The following YIPF7 variants were observed in gnomAD, a reference collection of about 807,000 sequenced individuals.
YIPF7 encodes Yip1 domain family member 7.
In YIPF7, 35 loss-of-function variants were observed where a neutral mutation model predicts 27.2. The ratio of observed to expected loss-of-function variants is 1.29; its 90% CI spans 0.98 to 1.70. The LOEUF (loss-of-function observed/expected upper bound fraction) is 1.70, where lower values mean the gene tolerates loss of function less well. Ranked by LOEUF, YIPF7 falls within the 40% of genes most tolerant of loss-of-function variation. YIPF7 has a pLI of 0.00. For missense variants in YIPF7, 358 were observed against 303.7 expected, an observed-to-expected ratio of 1.18 and a Z score of -1.33; for synonymous variants, 137 against 110.4, an observed-to-expected ratio of 1.24 and a Z score of -1.51.
At chr4:44,628,865 T>G (rs1712767213) in intron 4 of YIPF7, among the ~76,000 whole-genome samples, 1 of 152,142 alleles carries the variant, frequency 6.6e-6, no homozygotes, top group Non-Finnish European at 1.5e-5. Flanking sequence ...AACTAACATT[T>G]TAGAGGAAAT....
chr4:44,631,032 A>G (rs1165320112), intron 3 of YIPF7, among the ~76,000 whole-genome samples: 1 of 152,204 alleles, frequency 6.6e-6, no homozygotes, highest in Non-Finnish European at 1.5e-5. Context: ...CAAGATTTAC[A>G]TACATCGGTC....
chr4:44,631,605 T>C lies in YIPF7; in HGVS notation c.281-2057A>G, dbSNP rs561749780. On this transcript the variant is annotated intron_variant, in intron 3 of 5. Transcript: ENST00000415895. ...CTGTTATTTTAAGCTTGAAAAAAAA[T>C]TGAATGTAAATTAATAGCAAATAAT... Among the ~76,000 whole-genome samples, 7 of 152,130 alleles carry C rather than the reference T, an allele frequency of 4.6e-5. No individual in the cohort carries two copies. The East Asian group carries it at 1.3e-3, about 29-fold the overall frequency.
At chr4:44,624,537 T>G in intron 5 of YIPF7, 64 bp downstream of exon 5, 1 of 1,443,142 alleles carries the variant, frequency 6.9e-7, no homozygotes, top group Non-Finnish European at 9.2e-7. Flanking sequence ...AACTTTTTCA[T>G]GGCTGTGGCA....
rs550841884 is a variant in YIPF7, at chr4:44,629,267, G to T, written c.426+136C>A. On this transcript the variant is annotated intron_variant, in intron 4 of 5. Coordinates refer to ENST00000415895, the MANE Select transcript of YIPF7 (RefSeq NM_182592.3). ...AATGGTAGCATATTTTTGTCACTATGGTTAAATTATTCTCTCTCACTTAAA... is the reference window on the plus strand; with the variant it reads ...AATGGTAGCATATTTTTGTCACTATTGTTAAATTATTCTCTCTCACTTAAA... 4.4e-6 allele frequency: 5 copies of T among 1,129,202 alleles called. No individual in the cohort carries two copies. The East Asian group carries it at 1.6e-4, about 35-fold the overall frequency. The allele number at this position is 1,129,202 out of a possible 1,614,324, so 69.9% of individuals were successfully genotyped here.
At chr4:44,636,260 T>A (rs1482785999) in intron 2 of YIPF7, among the ~76,000 whole-genome samples, 175 bp from the exon 3 acceptor site, 1 of 152,204 alleles carries the variant, frequency 6.6e-6, no homozygotes, top group Non-Finnish European at 1.5e-5. Flanking sequence ...TAACTGGTCA[T>A]CTAAAGCCTT....
At chr4:44,649,857 T>G (rs1419978853) in intron 2 of YIPF7, 128 bp downstream of exon 2, 1 of 599,656 alleles carries the variant, frequency 1.7e-6, no homozygotes, top group Non-Finnish European at 2.9e-6. Flanking sequence ...GTGGGTCTAG[T>G]TTAGAGGGCA....
intron 2 of YIPF7, among the ~76,000 whole-genome samples, chr4:44,639,747 G>C (rs1273042679): frequency 6.6e-6 from 1 of 150,944 alleles, no homozygotes; most frequent in African/African-American, 2.5e-5. Flanking sequence ...TGGTGAGAGT[G>C]AGCATTCTTG....
intron 2 of YIPF7, among the ~76,000 whole-genome samples, chr4:44,646,971 A>G (rs973224233): frequency 3.3e-5 from 5 of 152,216 alleles, no homozygotes; most frequent in Non-Finnish European, 5.9e-5. Context: ...AAAAGATCAA[A>G]TCTCTGGATT....
chr4:44,639,303 A>G (rs980318034), intron 2 of YIPF7, among the ~76,000 whole-genome samples: 1 of 152,174 alleles, frequency 6.6e-6, no homozygotes, highest in Non-Finnish European at 1.5e-5. Context: ...TTTAAACAAT[A>G]TTAATTCTTT....
intron 3 of YIPF7, among the ~76,000 whole-genome samples, chr4:44,630,512 T>G (rs1001408468): frequency 3.3e-5 from 5 of 152,222 alleles, no homozygotes; most frequent in Admixed American, 2.0e-4. Flanking sequence ...GTAAGGTCAA[T>G]GTACTGTGAA....
intron 2 of YIPF7, 26 bp from the exon 3 acceptor site, chr4:44,636,111 T>C (rs1159416847): frequency 1.3e-6 from 2 of 1,573,730 alleles, no homozygotes; most frequent in East Asian, 2.3e-5. Flanking sequence ...TACAAACATT[T>C]ACATGTCTAA....
At position 44,634,920 on chromosome 4, in the gene YIPF7, A is replaced by G. The variant is rs1365979091; in HGVS notation, c.280+1002T>C. On this transcript the variant is annotated intron_variant, in intron 3 of 5. Coordinates refer to ENST00000415895, the MANE Select transcript of YIPF7 (RefSeq NM_182592.3). Reference sequence around the variant, plus strand: ...AAAACTGAATGAACTGGTTAAAGATAACTGATCCAGAAACTTGACTGGCTT... The same window carrying G: ...AAAACTGAATGAACTGGTTAAAGATGACTGATCCAGAAACTTGACTGGCTT... 2.0e-5 allele frequency among the ~76,000 whole-genome samples: 3 copies of G among 152,336 alleles called. No homozygotes were observed. In the South Asian group the frequency reaches 6.2e-4, roughly 32 times the overall value.
At chr4:44,627,214 C>T (rs1015720534) in intron 4 of YIPF7, among the ~76,000 whole-genome samples, 1 of 152,086 alleles carries the variant, frequency 6.6e-6, no homozygotes, top group Non-Finnish European at 1.5e-5. Flanking sequence ...AACCATTTGT[C>T]TTCTTGGTGT....
upstream of YIPF7, among the ~76,000 whole-genome samples, chr4:44,653,286 A>T (rs1040786244): frequency 2.6e-5 from 4 of 152,256 alleles, no homozygotes; most frequent in African/African-American, 9.6e-5. Context: ...TCTAAAGGTT[A>T]CATAATTGAA....
At chr4:44,640,902 G>A (rs564528547) in intron 2 of YIPF7, among the ~76,000 whole-genome samples, 5 of 152,064 alleles carry the variant, frequency 3.3e-5, no homozygotes, top group African/African-American at 9.6e-5. Context: ...CACACAGTCT[G>A]TTAAGGGCTA....
intron 3 of YIPF7, among the ~76,000 whole-genome samples, chr4:44,630,173 G>T (rs552247755): frequency 6.6e-6 from 1 of 152,090 alleles, no homozygotes; most frequent in African/African-American, 2.4e-5. Context: ...TCACTATGTT[G>T]CCCAGGCTGG....
chr4:44,639,576 G>A (rs1577738545), intron 2 of YIPF7, among the ~76,000 whole-genome samples: 1 of 152,030 alleles, frequency 6.6e-6, no homozygotes, highest in Non-Finnish European at 1.5e-5. Flanking sequence ...TTTTATATAT[G>A]TATGTTGAAT....
intron 3 of YIPF7, 47 bp downstream of exon 3, chr4:44,635,875 A>G (rs73249427): frequency 0.018 from 28,075 of 1,593,704 alleles, 330 homozygotes; most frequent in Non-Finnish European, 0.021. Context: ...AATTATTGCT[A>G]TTATTCTTCT....
chr4:44,642,827 C>T (rs1713378989), intron 2 of YIPF7, among the ~76,000 whole-genome samples: 1 of 152,172 alleles, frequency 6.6e-6, no homozygotes, highest in Non-Finnish European at 1.5e-5. Context: ...CCTGTGACCT[C>T]CCCAGGAGCA....
Sources: allele counts gnomAD v4.1 joint callset (sites outside exome capture counted in the v4.1 genomes callset), GRCh38; gene constraint gnomAD v4.1.1; transcripts MANE v1.5; gene names NCBI Gene and HGNC (gene_info 2026-07-23, HGNC 2026-07-21).